The following ZNF560 variants were observed in gnomAD, a reference collection of about 807,000 sequenced individuals.
The protein encoded by ZNF560 is zinc finger protein 560.
A neutral mutation model predicts 81.8 loss-of-function variants in ZNF560; 54 were observed. That is an observed-to-expected ratio of 0.66 (90% CI 0.53 to 0.83). The LOEUF is 0.83. Among genes scored for constraint, ZNF560 ranks in the 40% least tolerant of loss-of-function variants. ZNF560 has a pLI of 0.00. For synonymous variants in ZNF560, 321 were observed against 317.9 expected, an observed-to-expected ratio of 1.01 and a Z score of -0.10; for missense variants, 940 against 932.4, an observed-to-expected ratio of 1.01 and a Z score of -0.11.
intron 7 of ZNF560, 28 bp from the exon 8 acceptor site, chr19:9,469,738 G>T: frequency 6.2e-7 from 1 of 1,604,636 alleles, no homozygotes; most frequent in Non-Finnish European, 8.5e-7. Flanking sequence ...TACACCAATG[G>T]AAGAGGCTCA....
At chr19:9,460,155 G>A in the ZNF560 span, among the ~76,000 whole-genome samples, 3 of 152,178 alleles carry the variant, frequency 2.0e-5, no homozygotes, top group Non-Finnish European at 1.5e-5. Context: ...GCCAGATAAC[G>A]AGGAAGAGGT....
downstream of ZNF560, among the ~76,000 whole-genome samples, chr19:9,465,756 G>A (rs568103988): frequency 6.6e-6 from 1 of 152,286 alleles, no homozygotes; most frequent in South Asian, 2.1e-4. Flanking sequence ...ACTTTGGGAG[G>A]CCAAGGCGGG....
In ZNF560 at chr19:9,467,455, C is replaced by CA; in HGVS notation, c.1491dup (p.Val498CysfsTer16). 6.2e-7 allele frequency: 1 copy of CA among 1,613,896 alleles called. No homozygotes were observed. Among genetic ancestry groups the CA allele is most frequent in the Non-Finnish European group, 8.5e-7 (1 of 1,179,944 alleles). Reference sequence around the variant, plus strand: ...TGAGCAAAAAGAGATGAGAAAGAAACAAAGACTTTCCCACACTGGTCACAA... The same window carrying CA: ...TGAGCAAAAAGAGATGAGAAAGAAACAAAAGACTTTCCCACACTGGTCACAA... On this transcript the variant is annotated frameshift_variant, in exon 10 of 10. Coordinates refer to ENST00000301480, the MANE Select transcript of ZNF560 (RefSeq NM_152476.3). LOFTEE classifies it high-confidence loss of function.
At chr19:9,456,406 C>A in the ZNF560 span, among the ~76,000 whole-genome samples, 1 of 152,116 alleles carries the variant, frequency 6.6e-6, no homozygotes, top group Non-Finnish European at 1.5e-5. Context: ...AAAGGCAGAA[C>A]CGGGAGAGCG....
At chr19:9,448,973 A>C in the ZNF560 span, among the ~76,000 whole-genome samples, 1 of 152,256 alleles carries the variant, frequency 6.6e-6, no homozygotes, top group East Asian at 1.9e-4. Flanking sequence ...ATCCAACAAG[A>C]TGACTTAACC....
At chr19:9,451,752 T>A in the ZNF560 span, among the ~76,000 whole-genome samples, 1 of 152,092 alleles carries the variant, frequency 6.6e-6, no homozygotes. Flanking sequence ...GAAACTTAAT[T>A]CAACAAGCAA....
chr19:9,470,254 A>C, intron 7 of ZNF560, 138 bp downstream of exon 7: 1 of 919,902 alleles, frequency 1.1e-6, no homozygotes, highest in Non-Finnish European at 1.6e-6. Flanking sequence ...TTCCTATTTT[A>C]CTCATTAAAA....
At position 9,478,812 on chromosome 19, in the gene ZNF560, A is replaced by C. The variant is rs527971794; in HGVS notation, c.-56-3443T>G. Among the ~76,000 whole-genome samples, 7 of 152,214 alleles carry C rather than the reference A, an allele frequency of 4.6e-5. No individual in the cohort carries two copies. In the East Asian group the frequency reaches 1.4e-3, roughly 29 times the overall value. On this transcript the variant is annotated intron_variant, in intron 2 of 9. Transcript: ENST00000301480. ...TAAAGAATCAAAAGTACACTAGAGA[A>C]AATTATTAATCACAAAAATAGACAA... is the stretch of plus-strand genomic sequence containing the variant.
chr19:9,505,317 TATC>T, the ZNF560 span, among the ~76,000 whole-genome samples: 1 of 152,372 alleles, frequency 6.6e-6, no homozygotes, highest in Non-Finnish European at 1.5e-5. Context: ...GTTTGTCTGA[TATC>T]ATTATAGTCA....
At chr19:9,447,131 C>CCCA in the ZNF560 span, among the ~76,000 whole-genome samples, 1 of 75,358 alleles carries the variant, frequency 1.3e-5, no homozygotes, top group African/African-American at 8.5e-5. Flanking sequence ...GAGACTCCGT[C>CCCA]ACAAAAAAAA....
At position 9,468,252 on chromosome 19, in the gene ZNF560, T is replaced by C; in HGVS notation, c.695A>G (p.Asn232Ser). 6.2e-7 allele frequency: 1 copy of C among 1,614,110 alleles called. No homozygotes were observed. The highest frequency in any genetic ancestry group is 8.5e-7 in the Non-Finnish European group (1 of 1,179,998). Residue 232 changes from asparagine to serine, a missense_variant, in exon 10 of 10, where the codon AAC (asparagine) becomes AGC (serine). Physicochemically the swap from Asn to Ser is conservative, Grantham distance 46 (BLOSUM62 1). Transcript: ENST00000301480. ...VFCKHPCLKT[N>S]MSTQNRGNTS... The stretch of plus-strand genomic sequence containing the variant: ...GTTGCCTCTATTTTGAGTACTCATG[T>C]TGGTCTTAAGGCATGGATGTTTACA...
chr19:9,454,625 C>G, the ZNF560 span, among the ~76,000 whole-genome samples: 1 of 152,194 alleles, frequency 6.6e-6, no homozygotes, highest in East Asian at 1.9e-4. Flanking sequence ...AAAGTTAGCA[C>G]TAGCTGACTT....
At chr19:9,487,658 G>C (rs1211222194) in intron 2 of ZNF560, among the ~76,000 whole-genome samples, 1 of 152,170 alleles carries the variant, frequency 6.6e-6, no homozygotes, top group Admixed American at 6.5e-5. Context: ...CCTTTACTGG[G>C]GCTTGGGGTA....
the ZNF560 span, among the ~76,000 whole-genome samples, chr19:9,445,953 A>T: frequency 6.6e-6 from 1 of 152,182 alleles, no homozygotes; most frequent in Non-Finnish European, 1.5e-5. Context: ...TTGCCACCAC[A>T]GGATTGCTTG....
In ZNF560 at chr19:9,467,525, A is replaced by T; in HGVS notation, c.1422T>A (p.Gly474=). Residue 474 remains glycine, a synonymous_variant, in exon 10 of 10, where the codon GGT becomes GGA. Coordinates refer to ENST00000301480, the MANE Select transcript of ZNF560 (RefSeq NM_152476.3). ...EYGKAFGTSS[G]VIEDRRSNTG... ...TGTTACTTCTTCTATCTTCAATAAC[A>T]CCTGAGGATGTACCAAAGGCCTTCC... The T allele has an allele frequency of 6.2e-7, 1 of 1,614,016 alleles. No homozygotes were observed. Among genetic ancestry groups the T allele is most frequent in the Non-Finnish European group, 8.5e-7 (1 of 1,179,980 alleles).
intron 2 of ZNF560, among the ~76,000 whole-genome samples, chr19:9,487,879 G>A (rs951540676): frequency 2.0e-5 from 3 of 152,132 alleles, no homozygotes; most frequent in African/African-American, 7.2e-5. Flanking sequence ...TGTATTCAGG[G>A]AAGAATGACA....
chr19:9,465,717 G>A (rs1234988768), downstream of ZNF560, among the ~76,000 whole-genome samples: 1 of 152,170 alleles, frequency 6.6e-6, no homozygotes. Flanking sequence ...TCTTGGCCAG[G>A]CGCGATGGCT....
At chr19:9,450,638 C>T in the ZNF560 span, among the ~76,000 whole-genome samples, 2 of 152,116 alleles carry the variant, frequency 1.3e-5, no homozygotes, top group African/African-American at 4.8e-5. Context: ...ACTGCAACCT[C>T]TGCACATCAG....
At chr19:9,453,118 A>G in the ZNF560 span, among the ~76,000 whole-genome samples, 2 of 152,176 alleles carry the variant, frequency 1.3e-5, no homozygotes, top group Admixed American at 1.3e-4. Flanking sequence ...TGATAGTATT[A>G]GTACCTTATA....
Sources: gnomAD v4.1 joint callset for allele counts (sites outside exome capture counted in the v4.1 genomes callset) on GRCh38, gnomAD v4.1.1 for gene constraint, MANE v1.5 for transcripts, NCBI Gene and HGNC (gene_info 2026-07-23, HGNC 2026-07-21) for gene names.